SLC5A8: variants seen among roughly 807,000 people sequenced by gnomAD.
The protein encoded by SLC5A8 is sodium-coupled monocarboxylate transporter 1.
Under a neutral mutation model 71.9 loss-of-function variants are expected in SLC5A8, and 55 were observed. The observed-to-expected ratio is 0.77, with a 90% CI of 0.62 to 0.96. SLC5A8 has a LOEUF of 0.96. SLC5A8 is among the 40% of genes least tolerant of loss of function. SLC5A8 has a pLI of 0.00. For missense variants in SLC5A8, 701 were observed against 745.3 expected (o/e 0.94, Z 0.69); for synonymous variants, 307 against 276.1 (o/e 1.11, Z -1.11).
intron 2 of SLC5A8, among the ~76,000 whole-genome samples, chr12:101,203,972 T>A (rs1869567529): frequency 6.6e-6 from 1 of 152,214 alleles, no homozygotes; most frequent in African/African-American, 2.4e-5. Context: ...TGTTTTACAC[T>A]CTAAGGACTG....
At chr12:101,158,550 G>GTCTCTCTCTCTCTCTCTCTC (rs372186123) in intron 13 of SLC5A8, among the ~76,000 whole-genome samples, 3 of 48,492 alleles carry the variant, frequency 6.2e-5, no homozygotes, top group Non-Finnish European at 8.7e-5. Flanking sequence ...ATAAATATGA[G>GTCTCTCTCTCTCTCTCTCTC]TCTCTCTCTC....
chr12:101,209,367 T>G, intron 1 of SLC5A8, 131 bp downstream of exon 1: 3 of 663,572 alleles, frequency 4.5e-6, no homozygotes, highest in South Asian at 2.1e-5. Context: ...GAAGGGAGGG[T>G]GATGATGACG....
chr12:101,176,189 G>A (rs1031273415), intron 10 of SLC5A8, among the ~76,000 whole-genome samples: 4 of 151,856 alleles, frequency 2.6e-5, no homozygotes, highest in Non-Finnish European at 5.9e-5. Flanking sequence ...ATGGAAAGTA[G>A]AAGTAACTAT....
chr12:101,167,957 C>G, intron 11 of SLC5A8, 139 bp downstream of exon 11: 1 of 829,998 alleles, frequency 1.2e-6, no homozygotes, highest in Non-Finnish European at 1.9e-6. Context: ...TACACTCCAC[C>G]AAAGTCAACA....
In SLC5A8 at chr12:101,210,180, GGAGCCTCC is replaced by G; in HGVS notation, c.-340_-333del. 1 of 301,126 alleles carries G rather than the reference GGAGCCTCC, an allele frequency of 3.3e-6. No homozygotes were observed. Among genetic ancestry groups the G allele is most frequent in the Non-Finnish European group, 6.0e-6 (1 of 165,306 alleles). The allele number at this position is 301,126 out of a possible 1,614,324, so 18.7% of individuals were successfully genotyped here. A position where few individuals can be genotyped will look rare whatever the true frequency, so the allele number is the denominator to read the frequency against. On this transcript the variant is annotated 5_prime_UTR_variant, in exon 1 of 15. Transcript: ENST00000536262. ...GGGGACACCTGAGCAGATGAGAACT[GGAGCCTCC>G]AGCTGCTTCCAGCGAATCTACACAG... is the stretch of plus-strand genomic sequence containing the variant.
At chr12:101,175,467 C>T (rs961474910) in intron 10 of SLC5A8, among the ~76,000 whole-genome samples, 1 of 151,868 alleles carries the variant, frequency 6.6e-6, no homozygotes, top group Admixed American at 6.6e-5. Context: ...ATGAAAGAAG[C>T]TGATTCAAGA....
intron 5 of SLC5A8, 60 bp from the exon 6 acceptor site, chr12:101,190,668 C>T (rs1232050122): frequency 2.7e-6 from 4 of 1,495,162 alleles, no homozygotes; most frequent in East Asian, 4.9e-5. Context: ...AAAAAATTCT[C>T]TTAGACTATA....
At chr12:101,189,676 C>G (rs576392969) in intron 6 of SLC5A8, among the ~76,000 whole-genome samples, 189 of 152,232 alleles carry the variant, frequency 1.2e-3, no homozygotes, top group African/African-American at 4.2e-3. Flanking sequence ...CCATGCTGTC[C>G]TTCCTACCTC....
Position 101,200,269 on chromosome 12 carries a change from T to C in SLC5A8, c.469+1895A>G, listed in dbSNP as rs536017100. Reference sequence around the variant, plus strand: ...GACATGCAAGGAAAATTTCTGAGAGTGGATGACGGAAATAGTCTATATCTT... The same window carrying C: ...GACATGCAAGGAAAATTTCTGAGAGCGGATGACGGAAATAGTCTATATCTT... On this transcript the variant is annotated intron_variant, in intron 3 of 14. Coordinates refer to ENST00000536262, the MANE Select transcript of SLC5A8 (RefSeq NM_145913.5). Among the ~76,000 whole-genome samples the C allele has an allele frequency of 2.6e-5, 4 of 151,852 alleles. No homozygotes were observed. The South Asian group carries it at 8.3e-4, about 32-fold the overall frequency.
chr12:101,168,894 T>A (rs12049967), intron 10 of SLC5A8, among the ~76,000 whole-genome samples: 19,974 of 152,206 alleles, frequency 0.13, 1,937 homozygotes, highest in East Asian at 0.53. Context: ...GAGCAGGGAA[T>A]CACTGGTTTG....
At chr12:101,178,786 G>A (rs754159915) in intron 10 of SLC5A8, among the ~76,000 whole-genome samples, 2 of 151,304 alleles carry the variant, frequency 1.3e-5, no homozygotes, top group African/African-American at 2.4e-5. Flanking sequence ...CACAATCCAT[G>A]AAAGGACAAA....
At chr12:101,177,876 G>A (rs1221584025) in intron 10 of SLC5A8, among the ~76,000 whole-genome samples, 2 of 152,108 alleles carry the variant, frequency 1.3e-5, no homozygotes, top group Non-Finnish European at 2.9e-5. Context: ...TATGGAAGTT[G>A]AAGCCAGTGC....
intron 13 of SLC5A8, among the ~76,000 whole-genome samples, chr12:101,161,644 A>G (rs1213479877): frequency 6.6e-6 from 1 of 152,168 alleles, no homozygotes; most frequent in Non-Finnish European, 1.5e-5. Flanking sequence ...AGTTCTTTTC[A>G]AGCATCTTAT....
Position 101,158,276 on chromosome 12 carries a change from A to C in SLC5A8, c.1683T>G (p.Phe561Leu), listed in dbSNP as rs372037764. 1 of 1,592,330 alleles carries C rather than the reference A, an allele frequency of 6.3e-7. No individual in the cohort carries two copies. Among genetic ancestry groups the C allele is most frequent in the Non-Finnish European group, 8.6e-7 (1 of 1,166,258 alleles). Residue 561 changes from phenylalanine to leucine, a missense_variant, in exon 14 of 15, where the codon TTT (phenylalanine) becomes TTG (leucine). By Grantham distance (22) the Phe-to-Leu change is conservative. Coordinates refer to ENST00000536262, the MANE Select transcript of SLC5A8 (RefSeq NM_145913.5). Reference sequence around the variant, plus strand: ...TCTTAAAAATATCAAAATTGGATAAAAAGTCCTCTTTGGTTAGTATGTATC... The same window carrying C: ...TCTTAAAAATATCAAAATTGGATAACAAGTCCTCTTTGGTTAGTATGTATC... Reference protein sequence around the residue: ...DPRYILTKEDFLSNFDIFKKK... With the variant: ...DPRYILTKEDLLSNFDIFKKK...
chr12:101,166,477 A>G lies in SLC5A8; in HGVS notation c.1526+17T>C, dbSNP rs1232229886. 1.9e-6 allele frequency: 3 copies of G among 1,601,190 alleles called. No homozygotes were observed. Among genetic ancestry groups the G allele is most frequent in the Non-Finnish European group, 2.6e-6 (3 of 1,173,988 alleles). ...TAAATTTTTTAAAGTATAATGTAATAAAACTTAATTCAATACCTTTGAACA... is the reference window on the plus strand; with the variant it reads ...TAAATTTTTTAAAGTATAATGTAATGAAACTTAATTCAATACCTTTGAACA... On this transcript the variant is annotated intron_variant, in intron 12 of 14. Coordinates refer to ENST00000536262, the MANE Select transcript of SLC5A8 (RefSeq NM_145913.5).
intron 3 of SLC5A8, among the ~76,000 whole-genome samples, chr12:101,198,996 A>G (rs1159004195): frequency 6.6e-6 from 1 of 151,958 alleles, no homozygotes. Context: ...ATTCATAAAC[A>G]ACATGAAAAT....
chr12:101,173,958 G>C (rs924270508), intron 10 of SLC5A8, among the ~76,000 whole-genome samples: 5 of 152,140 alleles, frequency 3.3e-5, no homozygotes, highest in Admixed American at 2.6e-4. Context: ...CCAGTTACTG[G>C]GGACCAGAGT....
intron 7 of SLC5A8, among the ~76,000 whole-genome samples, chr12:101,184,441 C>T (rs1868521909): frequency 6.6e-6 from 1 of 152,172 alleles, no homozygotes; most frequent in African/African-American, 2.4e-5. Flanking sequence ...CACACAGATA[C>T]GGCTTTTGTA....
Position 101,158,608 on chromosome 12 carries a change from A to C in SLC5A8, c.1631-280T>G, listed in dbSNP as rs1231127871. Among the ~76,000 whole-genome samples, 297 of 66,556 alleles carry C rather than the reference A, an allele frequency of 4.5e-3. 1 individual carries two copies. Among genetic ancestry groups the C allele is most frequent in the African/African-American group, 8.3e-3 (117 of 14,056 alleles). 43.7% of individuals were successfully genotyped at this position (66,556 alleles called of 152,430 possible). ...TCTCTCTCTCTCTCTCTATATATAT[A>C]TATATATATATATATATATATATAT... On this transcript the variant is annotated intron_variant, in intron 13 of 14. Transcript: ENST00000536262.
Sources: gnomAD v4.1 joint callset for allele counts (sites outside exome capture counted in the v4.1 genomes callset) on GRCh38, gnomAD v4.1.1 for gene constraint, MANE v1.5 for transcripts, NCBI Gene and HGNC (gene_info 2026-07-23, HGNC 2026-07-21) for gene names.